Variants in LRFN5 observed in about 807,000 individuals in gnomAD.
LRFN5 encodes leucine-rich repeat and fibronectin type-III domain-containing protein 5.
Under a neutral mutation model 45.6 loss-of-function variants are expected in LRFN5, and 24 were observed. The ratio of observed to expected loss-of-function variants is 0.53; its 90% CI spans 0.38 to 0.74. The LOEUF (loss-of-function observed/expected upper bound fraction) is 0.74, where lower values mean the gene tolerates loss of function less well. LRFN5 is among the 30% of genes least tolerant of loss of function. The pLI is 0.00. For missense variants in LRFN5, 776 were observed against 861.5 expected (o/e 0.90, Z 1.24); for synonymous variants, 340 against 313.8 (o/e 1.08, Z -0.88).
At chr14:41,840,793 C>T (rs1292735005) in intron 2 of LRFN5, among the ~76,000 whole-genome samples, 4 of 151,892 alleles carry the variant, frequency 2.6e-5, no homozygotes, top group African/African-American at 9.7e-5. Flanking sequence ...ATCCAGTTAG[C>T]TCCTGTTGAT....
chr14:41,784,378 T>A (rs1886642136), intron 2 of LRFN5, among the ~76,000 whole-genome samples: 1 of 152,072 alleles, frequency 6.6e-6, no homozygotes, highest in African/African-American at 2.4e-5. Context: ...ATGACCTTTT[T>A]AAAAATTTTT....
chr14:41,731,748 T>C (rs1884188454), intron 1 of LRFN5: 1 of 152,196 alleles, frequency 6.6e-6, no homozygotes, highest in Middle Eastern at 3.2e-3. Context: ...ATTGTTGATG[T>C]TTTCCCTTCT....
chr14:41,834,809 T>C (rs1888605468), intron 2 of LRFN5, among the ~76,000 whole-genome samples: 2 of 151,984 alleles, frequency 1.3e-5, no homozygotes, highest in Non-Finnish European at 2.9e-5. Context: ...ACTACAGGCA[T>C]GCACCACCAT....
intron 2 of LRFN5, among the ~76,000 whole-genome samples, chr14:41,820,687 G>C (rs1441521704): frequency 6.6e-6 from 1 of 151,692 alleles, no homozygotes. Flanking sequence ...TAATTTCATT[G>C]GATCTGTAGA....
intron 2 of LRFN5, among the ~76,000 whole-genome samples, chr14:41,820,217 A>G (rs1410347395): frequency 2.0e-5 from 3 of 151,496 alleles, no homozygotes; most frequent in Non-Finnish European, 4.4e-5. Context: ...TTTTTTTTCT[A>G]GGTTTTCTTC....
At chr14:41,662,464 A>C (rs1305291299) in intron 1 of LRFN5, among the ~76,000 whole-genome samples, 2 of 152,078 alleles carry the variant, frequency 1.3e-5, no homozygotes, top group African/African-American at 4.8e-5. Flanking sequence ...GCTACATGAT[A>C]GGACTACAAC....
chr14:41,827,427 A>G (rs1052770091), intron 2 of LRFN5, among the ~76,000 whole-genome samples: 1 of 152,068 alleles, frequency 6.6e-6, no homozygotes, highest in Non-Finnish European at 1.5e-5. Flanking sequence ...TTCAAAAGTT[A>G]TTGCTTCAAT....
intron 2 of LRFN5, among the ~76,000 whole-genome samples, chr14:41,863,944 T>C (rs1249996791): frequency 2.6e-5 from 4 of 152,176 alleles, no homozygotes; most frequent in East Asian, 3.9e-4. Context: ...TTTGGCTTTC[T>C]GTTCCTGTGT....
intron 2 of LRFN5, among the ~76,000 whole-genome samples, chr14:41,787,075 TA>T (rs1780208336): frequency 6.6e-6 from 1 of 152,182 alleles, no homozygotes; most frequent in South Asian, 2.1e-4. Context: ...GCTATTTTAA[TA>T]TCTTTGTTTG....
chr14:41,622,354 C>A (rs1041578304), intron 1 of LRFN5, among the ~76,000 whole-genome samples: 5 of 152,044 alleles, frequency 3.3e-5, no homozygotes, highest in Non-Finnish European at 7.4e-5. Flanking sequence ...ATGGCTGGAT[C>A]TAATAGAATT....
intron 2 of LRFN5, among the ~76,000 whole-genome samples, chr14:41,800,427 T>C (rs1331894917): frequency 1.3e-5 from 2 of 151,954 alleles, no homozygotes; most frequent in African/African-American, 4.8e-5. Flanking sequence ...TGTATTAACA[T>C]ATAGGTTATC....
At chr14:41,756,195 A>G (rs566334141) in intron 1 of LRFN5, among the ~76,000 whole-genome samples, 39 of 152,180 alleles carry the variant, frequency 2.6e-4, no homozygotes, top group Non-Finnish European at 4.9e-4. Context: ...GGCTGCCCTT[A>G]ACATTTTTTC....
chr14:41,811,891 G>T (rs1365173181), intron 2 of LRFN5, among the ~76,000 whole-genome samples: 1 of 151,944 alleles, frequency 6.6e-6, no homozygotes, highest in Admixed American at 6.6e-5. Context: ...AGAACCCTTT[G>T]AATTATATAC....
chr14:41,625,344 C>T (rs541703169), intron 1 of LRFN5, among the ~76,000 whole-genome samples: 1 of 152,196 alleles, frequency 6.6e-6, no homozygotes, highest in African/African-American at 2.4e-5. Context: ...TCATGAGACC[C>T]ATTGGTTTTA....
intron 2 of LRFN5, among the ~76,000 whole-genome samples, chr14:41,787,321 A>G (rs1886758056): frequency 6.6e-6 from 1 of 152,104 alleles, no homozygotes; most frequent in African/African-American, 2.4e-5. Context: ...ATCATTGTCC[A>G]CCTAACCCAA....
At chr14:41,843,040 C>T (rs140392401) in intron 2 of LRFN5, among the ~76,000 whole-genome samples, 4 of 150,056 alleles carry the variant, frequency 2.7e-5, no homozygotes, top group African/African-American at 4.9e-5. Context: ...AAATTTTCTC[C>T]CACTCTATAG....
chr14:41,867,862 A>T (rs1440741982), intron 2 of LRFN5, among the ~76,000 whole-genome samples: 1 of 150,556 alleles, frequency 6.6e-6, no homozygotes, highest in African/African-American at 2.5e-5. Flanking sequence ...TATTTTTTTC[A>T]TTTCTTCTTT....
Position 41,887,399 on chromosome 14 carries a change from T to C in LRFN5, c.774T>C (p.Asp258=), listed in dbSNP as rs367997664. Residue 258 remains aspartate (D), a synonymous_variant, in exon 3 of 6, where the codon GAT becomes GAC. Coordinates refer to ENST00000298119, the MANE Select transcript of LRFN5 (RefSeq NM_152447.5). This position sits in a 1 kb window ranked among gnomAD's most constrained non-coding sequence, Gnocchi z 4.8. The part of the protein sequence containing the change: ...LLWLRRLSRE[D]DLETCASPPL... ...GGTTGAGGCGTCTGTCCAGAGAAGA[T>C]GACTTAGAGACCTGTGCTTCTCCTC... 1.6e-5 allele frequency: 26 copies of C among 1,614,080 alleles called. No homozygotes were observed. The highest frequency in any genetic ancestry group is 1.7e-5 in the Non-Finnish European group (20 of 1,180,040).
chr14:41,831,535 T>A (rs940063972), intron 2 of LRFN5, among the ~76,000 whole-genome samples: 1 of 152,198 alleles, frequency 6.6e-6, no homozygotes, highest in African/African-American at 2.4e-5. Context: ...TGTGTTTATG[T>A]TTGTAAGTAT....
Sources: allele counts gnomAD v4.1 joint callset (sites outside exome capture counted in the v4.1 genomes callset), GRCh38; gene constraint gnomAD v4.1.1; non-coding constraint Gnocchi (gnomAD v3.1); transcripts MANE v1.5; gene names NCBI Gene and HGNC (gene_info 2026-07-23, HGNC 2026-07-21).